The following KLRG1 variants were observed in gnomAD, a reference collection of about 807,000 sequenced individuals.
KLRG1 encodes the protein killer cell lectin-like receptor subfamily G member 1.
In KLRG1, 16 loss-of-function variants were observed where a neutral mutation model predicts 21.8. That is an observed-to-expected ratio of 0.73 (90% CI 0.50 to 1.11). The LOEUF is 1.11. Ranked by LOEUF, KLRG1 falls within the 50% of genes most tolerant of loss-of-function variation. The pLI is 0.00. For synonymous variants in KLRG1, 69 were observed against 75.9 expected, an observed-to-expected ratio of 0.91 and a Z score of 0.47; for missense variants, 173 against 218.3, an observed-to-expected ratio of 0.79 and a Z score of 1.31.
At chr12:8,999,442 C>T (rs1947240908) in intron 3 of KLRG1, among the ~76,000 whole-genome samples, 1 of 152,208 alleles carries the variant, frequency 6.6e-6, no homozygotes, top group African/African-American at 2.4e-5. Flanking sequence ...GCAACAACCT[C>T]TCATTCAACT....
At chr12:9,002,422 G>A (rs1378983132) in intron 3 of KLRG1, among the ~76,000 whole-genome samples, 4 of 152,092 alleles carry the variant, frequency 2.6e-5, no homozygotes, top group African/African-American at 9.7e-5. Flanking sequence ...ATTTGTTTGG[G>A]TTTTATCTTC....
At chr12:9,111,352 AG>A in the KLRG1 span, among the ~76,000 whole-genome samples, 1 of 152,224 alleles carries the variant, frequency 6.6e-6, no homozygotes, top group Admixed American at 6.5e-5. Context: ...AGAAAAACAA[AG>A]CCAAGTTAGG....
chr12:9,099,486 T>C, the KLRG1 span: 1 of 1,610,524 alleles, frequency 6.2e-7, no homozygotes, highest in Non-Finnish European at 8.5e-7. Flanking sequence ...GAGCAATGTC[T>C]GACTTCACAG....
intron 2 of KLRG1, among the ~76,000 whole-genome samples, chr12:8,994,166 G>A (rs1947061362): frequency 6.6e-6 from 1 of 152,166 alleles, no homozygotes; most frequent in African/African-American, 2.4e-5. Context: ...CTGGGTTCAA[G>A]TGATTCTCAT....
intron 3 of KLRG1, among the ~76,000 whole-genome samples, chr12:9,008,523 C>T (rs997550709): frequency 4.6e-5 from 7 of 152,172 alleles, no homozygotes; most frequent in African/African-American, 9.7e-5. Context: ...TAGACTGGAT[C>T]GCTTGAACAA....
chr12:9,146,485 TA>T, the KLRG1 span, among the ~76,000 whole-genome samples: 1 of 152,206 alleles, frequency 6.6e-6, no homozygotes, highest in Admixed American at 6.5e-5. Context: ...GTAAATCACA[TA>T]ATTCCATTTC....
the KLRG1 span, chr12:9,197,236 GTGCCCACCAAGTA>G: frequency 1.5e-6 from 1 of 683,920 alleles, no homozygotes; most frequent in East Asian, 2.9e-5. Flanking sequence ...TATCATCTGG[GTGCCCACCAAGTA>G]GAAAGCTGTC....
At chr12:9,077,042 C>T in the KLRG1 span, 1 of 980,980 alleles carries the variant, frequency 1.0e-6, no homozygotes, top group African/African-American at 1.6e-5. Context: ...ACGCATTTTT[C>T]CAACGATTCC....
At chr12:9,089,130 T>C in the KLRG1 span, 2 of 1,175,294 alleles carry the variant, frequency 1.7e-6, no homozygotes, top group South Asian at 2.8e-5. Context: ...GTAGGAATAA[T>C]ATATAAATGT....
At chr12:9,101,531 A>G in the KLRG1 span, 57 of 1,613,876 alleles carry the variant, frequency 3.5e-5, no homozygotes, top group African/African-American at 6.5e-4. Flanking sequence ...GAGTATGGCC[A>G]CAGGGTAGTT....
chr12:9,071,873 G>A, the KLRG1 span, among the ~76,000 whole-genome samples: 1 of 152,152 alleles, frequency 6.6e-6, no homozygotes, highest in Admixed American at 6.5e-5. Context: ...TTTGTGGAGA[G>A]AGAGTTTTTT....
In KLRG1 at chr12:9,010,075, A is replaced by C. The variant is rs1366422291; in HGVS notation, c.*538A>C. Reference sequence around the variant, plus strand: ...CTGGTGTGTACCTGTAGTCCTAGCTATTTGGGAAGCTGAGGTGGGAGGGTC... The same window carrying C: ...CTGGTGTGTACCTGTAGTCCTAGCTCTTTGGGAAGCTGAGGTGGGAGGGTC... On this transcript the variant is annotated 3_prime_UTR_variant, in exon 5 of 5. Transcript: ENST00000356986. 1 of 1,478,714 alleles carries C rather than the reference A, an allele frequency of 6.8e-7. No individual in the cohort carries two copies. Among genetic ancestry groups the C allele is most frequent in the South Asian group, 1.2e-5 (1 of 82,560 alleles). The allele number at this position is 1,478,714 out of a possible 1,614,324, so 91.6% of individuals were successfully genotyped here.
the KLRG1 span, chr12:9,089,978 T>C: frequency 5.6e-6 from 9 of 1,609,376 alleles, no homozygotes; most frequent in African/African-American, 1.1e-4. Context: ...CCCACACAGC[T>C]CTTGAGACTC....
the KLRG1 span, among the ~76,000 whole-genome samples, chr12:9,052,263 G>A: frequency 6.6e-6 from 1 of 152,096 alleles, no homozygotes; most frequent in Admixed American, 6.5e-5. Context: ...TCTACTCTGG[G>A]AAGAAAGAAG....
At chr12:9,202,607 C>T in the KLRG1 span, 1 of 1,614,112 alleles carries the variant, frequency 6.2e-7, no homozygotes, top group Non-Finnish European at 8.5e-7. Flanking sequence ...CTGTGTTCCT[C>T]TTCCTGAAAT....
At chr12:9,077,430 CGA>C in the KLRG1 span, 4 of 1,608,282 alleles carry the variant, frequency 2.5e-6, no homozygotes, top group East Asian at 2.2e-5. Flanking sequence ...CCTGTGAATA[CGA>C]GAGAGAGATC....
At chr12:9,187,786 C>T in the KLRG1 span, among the ~76,000 whole-genome samples, 1 of 152,224 alleles carries the variant, frequency 6.6e-6, no homozygotes, top group African/African-American at 2.4e-5. Flanking sequence ...GTCAGCTGTG[C>T]TGTGCAGGTG....
chr12:8,979,440 C>A (rs1441484132), intron 1 of KLRG1, among the ~76,000 whole-genome samples: 1 of 152,168 alleles, frequency 6.6e-6, no homozygotes, highest in Non-Finnish European at 1.5e-5. Flanking sequence ...GCTGAGAAAT[C>A]TACTGATAGT....
At chr12:9,194,416 A>G in the KLRG1 span, among the ~76,000 whole-genome samples, 2 of 151,622 alleles carry the variant, frequency 1.3e-5, no homozygotes, top group African/African-American at 2.4e-5. Flanking sequence ...CATGTCCTAC[A>G]TAGCTTATCT....
Sources: gnomAD v4.1 joint callset for allele counts (sites outside exome capture counted in the v4.1 genomes callset) on GRCh38, gnomAD v4.1.1 for gene constraint, MANE v1.5 for transcripts, NCBI Gene and HGNC (gene_info 2026-07-23, HGNC 2026-07-21) for gene names.